The following OSBPL1A variants were observed in gnomAD, a reference collection of about 807,000 sequenced individuals.
OSBPL1A encodes the protein oxysterol binding protein like 1A, also known as oxysterol-binding protein-related protein 1.
Under a neutral mutation model 137.1 loss-of-function variants are expected in OSBPL1A, and 80 were observed. That is an observed-to-expected ratio of 0.58 (90% CI 0.49 to 0.70). The LOEUF (loss-of-function observed/expected upper bound fraction) is 0.70. Ranked by LOEUF, OSBPL1A falls within the 30% of genes least tolerant of loss-of-function variation. The pLI, the probability that OSBPL1A is intolerant of heterozygous loss-of-function variation, is 0.00. For synonymous variants in OSBPL1A, 365 were observed against 389.7 expected (o/e 0.94, Z 0.75); for missense variants, 970 against 1,129.4 (o/e 0.86, Z 2.02).
chr18:24,272,241 TTTTTTTC>T (rs1167909290), intron 15 of OSBPL1A: 89 of 983,256 alleles, frequency 9.1e-5, no homozygotes, highest in Non-Finnish European at 1.0e-4. Flanking sequence ...GGCAACTTTT[TTTTTTTC>T]TTTTTTCTTT....
chr18:24,252,257 G>A (rs956704206), intron 15 of OSBPL1A, among the ~76,000 whole-genome samples: 1 of 152,028 alleles, frequency 6.6e-6, no homozygotes, highest in Non-Finnish European at 1.5e-5. Context: ...CAAAGAAGAC[G>A]ACCTCATGGC....
At chr18:24,235,165 G>A (rs2088425302) in intron 16 of OSBPL1A, among the ~76,000 whole-genome samples, 2 of 152,180 alleles carry the variant, frequency 1.3e-5, no homozygotes, top group Admixed American at 6.5e-5. Context: ...GATCACCATG[G>A]ATGGTGTGTA....
chr18:24,176,158 C>T (rs1213002512), intron 21 of OSBPL1A, among the ~76,000 whole-genome samples: 2 of 152,022 alleles, frequency 1.3e-5, no homozygotes, highest in Non-Finnish European at 2.9e-5. Context: ...ACTTAGAATT[C>T]GTAAGTTAGA....
intron 14 of OSBPL1A, among the ~76,000 whole-genome samples, chr18:24,293,556 C>A (rs1464093897): frequency 6.6e-6 from 1 of 152,184 alleles, no homozygotes; most frequent in African/African-American, 2.4e-5. Context: ...CAGGAAAATC[C>A]TCTGTGTGCA....
At chr18:24,354,790 T>C (rs1177796445) in intron 4 of OSBPL1A, among the ~76,000 whole-genome samples, 1 of 140,430 alleles carries the variant, frequency 7.1e-6, no homozygotes. Context: ...AAGAAAAAGA[T>C]GATGAAAGTA....
chr18:24,390,694 C>CAAAAAAAAAAAAAAAAA (rs751432894), intron 1 of OSBPL1A, among the ~76,000 whole-genome samples: 10 of 56,202 alleles, frequency 1.8e-4, no homozygotes, highest in African/African-American at 4.3e-4. Flanking sequence ...GACTCCGTCT[C>CAAAAAAAAAAAAAAAAA]AAAAAAAAAA....
At chr18:24,280,102 C>T (rs1028400110) in intron 15 of OSBPL1A, among the ~76,000 whole-genome samples, 5 of 152,076 alleles carry the variant, frequency 3.3e-5, no homozygotes, top group Admixed American at 6.6e-5. Flanking sequence ...TGCGCCACCA[C>T]GCCTGGCTAA....
chr18:24,358,663 A>C (rs754585783), intron 4 of OSBPL1A, among the ~76,000 whole-genome samples: 6 of 152,246 alleles, frequency 3.9e-5, no homozygotes, highest in Non-Finnish European at 7.3e-5. Context: ...AAAGCCCAGG[A>C]TTATACATAT....
intron 15 of OSBPL1A, among the ~76,000 whole-genome samples, chr18:24,255,155 G>A (rs373642824): frequency 3.2e-4 from 49 of 152,078 alleles, no homozygotes; most frequent in Non-Finnish European, 2.8e-4. Flanking sequence ...GAACCATGAA[G>A]AAACTGAAAA....
intron 16 of OSBPL1A, among the ~76,000 whole-genome samples, chr18:24,237,781 T>A (rs2088540634): frequency 6.6e-6 from 1 of 152,162 alleles, no homozygotes; most frequent in Non-Finnish European, 1.5e-5. Context: ...GTGTAATAAA[T>A]GTCAGCAGTC....
chr18:24,177,959 A>G, intron 21 of OSBPL1A, 54 bp downstream of exon 21: 1 of 1,525,854 alleles, frequency 6.6e-7, no homozygotes, highest in East Asian at 2.3e-5. Flanking sequence ...GTGCATGTCT[A>G]CACTTACAGG....
intron 1 of OSBPL1A, among the ~76,000 whole-genome samples, chr18:24,387,581 A>T (rs895653607): frequency 2.6e-5 from 4 of 152,118 alleles, no homozygotes; most frequent in African/African-American, 9.7e-5. Flanking sequence ...AAAGCCATTC[A>T]TCACAATTTT....
chr18:24,292,691 G>C (rs191131678), intron 14 of OSBPL1A, among the ~76,000 whole-genome samples: 4 of 152,274 alleles, frequency 2.6e-5, no homozygotes, highest in Admixed American at 6.5e-5. Flanking sequence ...TAGGAAGTCT[G>C]ATAAGTAACA....
chr18:24,355,512 C>T (rs892364682), intron 4 of OSBPL1A, among the ~76,000 whole-genome samples: 1 of 151,504 alleles, frequency 6.6e-6, no homozygotes, highest in African/African-American at 2.4e-5. Flanking sequence ...AAACAAAAAA[C>T]AAAAAACAGC....
At chr18:24,189,909 C>T (rs940196086) in intron 18 of OSBPL1A, among the ~76,000 whole-genome samples, 1 of 152,216 alleles carries the variant, frequency 6.6e-6, no homozygotes, top group African/African-American at 2.4e-5. Flanking sequence ...GAAAGGAAGG[C>T]GCCACGGAGT....
chr18:24,341,303 A>G lies in OSBPL1A; in HGVS notation c.394+244T>C, dbSNP rs115275956. Among the ~76,000 whole-genome samples, 685 of 152,314 alleles carry G rather than the reference A, an allele frequency of 4.5e-3. 5 individuals are homozygous for G. The highest frequency in any genetic ancestry group is 0.015 in the African/African-American group (623 of 41,574). On this transcript the variant is annotated intron_variant, in intron 5 of 27. Coordinates refer to ENST00000319481, the MANE Select transcript of OSBPL1A (RefSeq NM_080597.4). ...GTTACAGGCGTGAGCCACCGCACCC[A>G]GCCTGAAAAACAGATTTTTAAAACT...
At chr18:24,239,410 A>T in intron 15 of OSBPL1A, 28 bp from the exon 16 acceptor site, 1 of 1,599,754 alleles carries the variant, frequency 6.3e-7, no homozygotes, top group Non-Finnish European at 8.6e-7. Flanking sequence ...TACAGAAAAG[A>T]CTTCAGAGTG....
intron 17 of OSBPL1A, among the ~76,000 whole-genome samples, chr18:24,222,345 T>A (rs1170195101): frequency 2.6e-5 from 4 of 152,180 alleles, no homozygotes; most frequent in Non-Finnish European, 4.4e-5. Context: ...CTAATTTGCT[T>A]TCTGTTAGTA....
chr18:24,223,993 T>C (rs2087979764), intron 17 of OSBPL1A, among the ~76,000 whole-genome samples: 3 of 152,148 alleles, frequency 2.0e-5, no homozygotes, highest in African/African-American at 7.2e-5. Context: ...TGATAGTAAC[T>C]ACAGAGGGAA....
Sources: allele counts gnomAD v4.1 joint callset (sites outside exome capture counted in the v4.1 genomes callset), GRCh38; gene constraint gnomAD v4.1.1; transcripts MANE v1.5; gene names NCBI Gene and HGNC (gene_info 2026-07-23, HGNC 2026-07-21).